C12orf54: variants seen among roughly 807,000 people sequenced by gnomAD.
C12orf54 encodes uncharacterized protein C12orf54.
A neutral mutation model predicts 26.4 loss-of-function variants in C12orf54; 24 were observed. That is an observed-to-expected ratio of 0.91 (90% CI 0.66 to 1.28). The LOEUF is 1.28. C12orf54 is among the 50% of genes most tolerant of loss of function. The pLI is 0.00. For synonymous variants in C12orf54, 54 were observed against 47.0 expected, an observed-to-expected ratio of 1.15 and a Z score of -0.61; for missense variants, 154 against 150.9, an observed-to-expected ratio of 1.02 and a Z score of -0.11.
chr12:48,455,122 A>G, the C12orf54 span, among the ~76,000 whole-genome samples: 1 of 152,128 alleles, frequency 6.6e-6, no homozygotes, highest in Non-Finnish European at 1.5e-5. Context: ...AGTAGGCCCC[A>G]GTGTCTATTG....
At chr12:48,432,305 A>C in the C12orf54 span, among the ~76,000 whole-genome samples, 1 of 152,248 alleles carries the variant, frequency 6.6e-6, no homozygotes, top group African/African-American at 2.4e-5. Context: ...AAACAACCGT[A>C]GTCCTCAATA....
At chr12:48,432,055 T>C in the C12orf54 span, among the ~76,000 whole-genome samples, 4 of 152,210 alleles carry the variant, frequency 2.6e-5, no homozygotes, top group South Asian at 4.1e-4. Context: ...TAAATACAAA[T>C]AGGAAATTCC....
At chr12:48,476,012 C>T in the C12orf54 span, among the ~76,000 whole-genome samples, 1 of 151,800 alleles carries the variant, frequency 6.6e-6, no homozygotes, top group Non-Finnish European at 1.5e-5. Context: ...TTGGGTTACC[C>T]ACAAAGGGAA....
At chr12:48,494,257 G>A (rs780706439) in intron 7 of C12orf54, among the ~76,000 whole-genome samples, 6 of 151,742 alleles carry the variant, frequency 4.0e-5, no homozygotes, top group East Asian at 1.9e-4. Context: ...GGTTTTTCCC[G>A]AACCAGGAAA....
Position 48,489,725 on chromosome 12 carries a change from ATT to A in C12orf54, c.168+784_168+785del, listed in dbSNP as rs34855520. Among the ~76,000 whole-genome samples the A allele has an allele frequency of 3.7e-3, 507 of 138,786 alleles. 4 individuals carry two copies. Among genetic ancestry groups the A allele is most frequent in the African/African-American group, 0.011 (407 of 37,280 alleles). 91.0% of individuals were successfully genotyped at this position (138,786 alleles called of 152,430 possible). A position where few individuals can be genotyped will look rare whatever the true frequency, so the allele number is the denominator to read the frequency against. ...AGGCATTGCGCCCAGCCTAAGAAGG[ATT>A]TTTTTTTTTTTTTTGAGACAGTCTT... On this transcript the variant is annotated intron_variant, in intron 5 of 8. Coordinates refer to ENST00000548364, the MANE Select transcript of C12orf54 (RefSeq NM_152319.4).
the C12orf54 span, among the ~76,000 whole-genome samples, chr12:48,423,613 T>C: frequency 6.6e-6 from 1 of 152,118 alleles, no homozygotes; most frequent in African/African-American, 2.4e-5. Context: ...TTAAGCTACA[T>C]AGCACTCTGG....
At chr12:48,419,174 CATTACCCTAA>C in the C12orf54 span, among the ~76,000 whole-genome samples, 2 of 152,182 alleles carry the variant, frequency 1.3e-5, no homozygotes, top group East Asian at 3.8e-4. Context: ...CCTGAAGTTT[CATTACCCTAA>C]AGAAATGCAG....
chr12:48,415,108 G>C, the C12orf54 span, among the ~76,000 whole-genome samples: 2 of 152,306 alleles, frequency 1.3e-5, no homozygotes, highest in African/African-American at 4.8e-5. Context: ...CTGTAGAAGA[G>C]ATTCAAAGTT....
chr12:48,438,981 G>A, the C12orf54 span, among the ~76,000 whole-genome samples: 10 of 152,100 alleles, frequency 6.6e-5, no homozygotes, highest in African/African-American at 2.2e-4. Context: ...CTACAGAATG[G>A]GAGAAAATTT....
the C12orf54 span, among the ~76,000 whole-genome samples, chr12:48,447,189 GCTCTCTCT>G: frequency 6.9e-6 from 1 of 143,946 alleles, no homozygotes; most frequent in African/African-American, 2.6e-5. Flanking sequence ...AGATATGAGA[GCTCTCTCT>G]CTCTCTCTCT....
At chr12:48,466,852 C>T in the C12orf54 span, among the ~76,000 whole-genome samples, 2 of 152,082 alleles carry the variant, frequency 1.3e-5, no homozygotes. Context: ...AGAAACAAAG[C>T]ATATATCCAT....
intron 5 of C12orf54, among the ~76,000 whole-genome samples, chr12:48,490,432 G>T (rs1937763146): frequency 6.6e-6 from 1 of 152,060 alleles, no homozygotes; most frequent in African/African-American, 2.4e-5. Flanking sequence ...AGGTTGCCAG[G>T]TCACCTGAGG....
At chr12:48,444,498 T>TACAAAGGACATTTTC in the C12orf54 span, among the ~76,000 whole-genome samples, 1 of 152,180 alleles carries the variant, frequency 6.6e-6, no homozygotes, top group South Asian at 2.1e-4. Flanking sequence ...GTGAAAATCT[T>TACAAAGGACATTTTC]ACAAAGGACA....
chr12:48,420,625 C>T, the C12orf54 span, among the ~76,000 whole-genome samples: 2 of 152,046 alleles, frequency 1.3e-5, no homozygotes, highest in Non-Finnish European at 2.9e-5. Context: ...ACTTAGATGC[C>T]AATTTGTAAA....
the C12orf54 span, among the ~76,000 whole-genome samples, chr12:48,414,225 T>C: frequency 4.6e-5 from 7 of 152,232 alleles, no homozygotes. Flanking sequence ...CAGTTGCTTA[T>C]TAAGATTCCT....
chr12:48,477,986 C>T (rs529572415), upstream of C12orf54, among the ~76,000 whole-genome samples: 14 of 152,266 alleles, frequency 9.2e-5, no homozygotes, highest in African/African-American at 3.4e-4. Flanking sequence ...AACATTGATG[C>T]AAAAATCCTC....
intron 6 of C12orf54, 56 bp from the exon 7 acceptor site, chr12:48,492,890 TG>T: frequency 6.7e-7 from 1 of 1,486,204 alleles, no homozygotes; most frequent in Non-Finnish European, 9.4e-7. Flanking sequence ...GCTGGGCAGC[TG>T]GGGAGACATG....
chr12:48,484,704 A>G (rs1019922800), intron 2 of C12orf54, among the ~76,000 whole-genome samples: 18 of 152,242 alleles, frequency 1.2e-4, no homozygotes, highest in Non-Finnish European at 2.5e-4. Context: ...TTTATTATGT[A>G]TTTCAAAATA....
At chr12:48,462,290 A>G in the C12orf54 span, among the ~76,000 whole-genome samples, 1 of 151,614 alleles carries the variant, frequency 6.6e-6, no homozygotes, top group African/African-American at 2.4e-5. Flanking sequence ...TTAGGCCCAT[A>G]TGGCTTTACT....
Sources: allele counts gnomAD v4.1 joint callset (sites outside exome capture counted in the v4.1 genomes callset), GRCh38; gene constraint gnomAD v4.1.1; transcripts MANE v1.5; gene names NCBI Gene and HGNC (gene_info 2026-07-23, HGNC 2026-07-21).